SMIM35: variants seen among roughly 807,000 people sequenced by gnomAD.
SMIM35 encodes the protein TMPRSS4 antisense RNA 1 (non-protein coding).
At chr11:118,059,911 G>A (rs1413942350) in intron 1 of SMIM35, among the ~76,000 whole-genome samples, 1 of 152,206 alleles carries the variant, frequency 6.6e-6, no homozygotes, top group East Asian at 1.9e-4. Context: ...CTCCGTGACA[G>A]GGAAGATAAG....
At chr11:118,041,957 A>G (rs1944008336) in intron 1 of SMIM35, among the ~76,000 whole-genome samples, 1 of 151,454 alleles carries the variant, frequency 6.6e-6, no homozygotes. Flanking sequence ...AGGCTGAAGC[A>G]GGAGAATAGC....
At chr11:118,046,984 CATTTTAA>C (rs1318591527) in intron 1 of SMIM35, among the ~76,000 whole-genome samples, 4 of 152,132 alleles carry the variant, frequency 2.6e-5, no homozygotes, top group Non-Finnish European at 5.9e-5. Context: ...GATAAATAAA[CATTTTAA>C]ATTTCTTTGT....
At chr11:118,044,374 T>C (rs1306362676) in intron 1 of SMIM35, among the ~76,000 whole-genome samples, 1 of 149,764 alleles carries the variant, frequency 6.7e-6, no homozygotes, top group African/African-American at 2.5e-5. Context: ...AAGGTAATGG[T>C]GGCATTATGC....
In SMIM35 at chr11:118,065,987, A is replaced by G. The variant is rs374046018; in HGVS notation, c.7+20764T>C. On this transcript the variant is annotated intron_variant, in intron 1 of 4. Transcript: ENST00000689828. Reference sequence around the variant, plus strand: ...GACACCATTACTGCCTGATTTACTCATCATGACCATGACCCAGCCCGCTCG... The same window carrying G: ...GACACCATTACTGCCTGATTTACTCGTCATGACCATGACCCAGCCCGCTCG... Among the ~76,000 whole-genome samples, 3 of 152,180 alleles carry G rather than the reference A, an allele frequency of 2.0e-5. No individual in the cohort carries two copies. In the East Asian group the frequency reaches 5.8e-4, roughly 29 times the overall value.
intron 2 of SMIM35, among the ~76,000 whole-genome samples, chr11:118,014,957 A>G (rs886753251): frequency 6.6e-6 from 1 of 152,318 alleles, no homozygotes; most frequent in South Asian, 2.1e-4. Flanking sequence ...CTGGAGCCCA[A>G]AAGAACCAGA....
chr11:118,023,047 A>G (rs1273688665), intron 1 of SMIM35, among the ~76,000 whole-genome samples: 1 of 151,822 alleles, frequency 6.6e-6, no homozygotes, highest in Non-Finnish European at 1.5e-5. Flanking sequence ...ACTGCTTCCC[A>G]ATATATTTAT....
At chr11:118,046,232 G>T (rs768623375) in intron 1 of SMIM35, among the ~76,000 whole-genome samples, 1 of 152,148 alleles carries the variant, frequency 6.6e-6, no homozygotes, top group Non-Finnish European at 1.5e-5. Context: ...GCAACAATAA[G>T]GTGGGCAGAA....
chr11:118,048,712 G>A (rs1332880487), intron 1 of SMIM35, among the ~76,000 whole-genome samples: 1 of 151,454 alleles, frequency 6.6e-6, no homozygotes. Flanking sequence ...CATAAAGTAT[G>A]GGGGAAAAAA....
At chr11:118,017,261 G>A (rs900076050) in intron 1 of SMIM35, among the ~76,000 whole-genome samples, 1 of 152,180 alleles carries the variant, frequency 6.6e-6, no homozygotes, top group African/African-American at 2.4e-5. Context: ...GTCGAGCCCC[G>A]GGAAGGCAAT....
chr11:118,061,832 ACAAAACCAACCCTCC>A, intron 1 of SMIM35, among the ~76,000 whole-genome samples: 1 of 152,110 alleles, frequency 6.6e-6, no homozygotes, highest in Admixed American at 6.5e-5. Context: ...AGTTGACTTC[ACAAAACCAACCCTCC>A]CTGCTCAAGG....
At chr11:118,041,871 T>C (rs1944006581) in intron 1 of SMIM35, among the ~76,000 whole-genome samples, 1 of 151,748 alleles carries the variant, frequency 6.6e-6, no homozygotes, top group Admixed American at 6.6e-5. Context: ...GCCAACATGG[T>C]GAAACCCTGT....
chr11:118,036,192 G>A (rs533626864), intron 1 of SMIM35, among the ~76,000 whole-genome samples: 22 of 152,210 alleles, frequency 1.4e-4, no homozygotes, highest in Admixed American at 7.9e-4. Flanking sequence ...TGGCCAATAC[G>A]TGGTGATTTT....
At chr11:118,064,978 CAAGCCCCGAGT>C (rs1289528240) in intron 1 of SMIM35, among the ~76,000 whole-genome samples, 1 of 152,220 alleles carries the variant, frequency 6.6e-6, no homozygotes, top group Non-Finnish European at 1.5e-5. Context: ...TTCTCTGGGT[CAAGCCCCGAGT>C]GGGCTCTGAG....
chr11:118,039,308 C>A (rs1410583706), intron 1 of SMIM35, among the ~76,000 whole-genome samples: 1 of 152,138 alleles, frequency 6.6e-6, no homozygotes, highest in African/African-American at 2.4e-5. Flanking sequence ...AGACGTATAA[C>A]ATTAAGGCTT....
intron 1 of SMIM35, among the ~76,000 whole-genome samples, chr11:118,069,964 G>A (rs1181007112): frequency 6.6e-6 from 1 of 152,120 alleles, no homozygotes; most frequent in Non-Finnish European, 1.5e-5. Flanking sequence ...GGGAGGTTGA[G>A]GCAGGAGAAT....
At chr11:118,021,483 C>T (rs998354115) in intron 1 of SMIM35, among the ~76,000 whole-genome samples, 12 of 151,766 alleles carry the variant, frequency 7.9e-5, no homozygotes, top group South Asian at 4.2e-4. Flanking sequence ...TAAATTTTTC[C>T]GTTATGTCTA....
intron 1 of SMIM35, among the ~76,000 whole-genome samples, chr11:118,073,687 C>T (rs1465548480): frequency 2.6e-5 from 4 of 152,172 alleles, no homozygotes; most frequent in Admixed American, 6.5e-5. Flanking sequence ...GCCTGCCTGT[C>T]CCTGGGGTGA....
At chr11:118,047,984 C>T (rs1944129183) in intron 1 of SMIM35, among the ~76,000 whole-genome samples, 1 of 152,178 alleles carries the variant, frequency 6.6e-6, no homozygotes, top group South Asian at 2.1e-4. Flanking sequence ...TCAGATGGAA[C>T]CTCGCCAAGC....
rs569786507 is a variant in SMIM35 at position 118,069,070 on chromosome 11, C to G, written c.7+17681G>C. 1.5e-4 allele frequency among the ~76,000 whole-genome samples: 23 copies of G among 152,322 alleles called. No homozygotes were observed. In the South Asian group the frequency reaches 4.8e-3, roughly 32 times the overall value. Reference sequence around the variant, plus strand: ...CTGAATCATCCCCAGGTCTTCCCCCCGTCAGTCCTCTCTATTCTGCATCAG... The same window carrying G: ...CTGAATCATCCCCAGGTCTTCCCCCGGTCAGTCCTCTCTATTCTGCATCAG... On this transcript the variant is annotated intron_variant, in intron 1 of 4. Coordinates refer to ENST00000689828, the MANE Select transcript of SMIM35 (RefSeq NM_001394165.1).
Sources: gnomAD v4.1 joint callset for allele counts (sites outside exome capture counted in the v4.1 genomes callset) on GRCh38, gnomAD v4.1.1 for gene constraint, MANE v1.5 for transcripts, NCBI Gene and HGNC (gene_info 2026-07-23, HGNC 2026-07-21) for gene names.